The following UPP1 variants were observed in gnomAD, a reference collection of about 807,000 sequenced individuals.
The protein encoded by UPP1 is uridine phosphorylase 1.
Under a neutral mutation model 29.6 loss-of-function variants are expected in UPP1, and 25 were observed. The observed-to-expected ratio is 0.85, with a 90% CI of 0.62 to 1.18. The LOEUF is 1.18. Ranked by LOEUF, UPP1 falls within the 50% of genes most tolerant of loss-of-function variation. The pLI is 0.00. For synonymous variants in UPP1, 165 were observed against 159.8 expected, an observed-to-expected ratio of 1.03 and a Z score of -0.25; for missense variants, 368 against 410.4, an observed-to-expected ratio of 0.90 and a Z score of 0.89.
rs1342074145 is a variant in UPP1 at position 48,103,728 on chromosome 7, C to CT, written c.436+319dup. On this transcript the variant is annotated intron_variant, in intron 6 of 8. Transcript: ENST00000395564. ...TGTCTTATTCTTTCTAATCCCCCTT[C>CT]TTCTCCATTCTCTCCTTTCCTTTGC... The CT allele has an allele frequency of 1.3e-5, 17 of 1,283,092 alleles. No homozygotes were observed. The African/African-American group carries it at 1.4e-4, about 10-fold the overall frequency. The allele number at this position is 1,283,092 out of a possible 1,614,324, so 79.5% of individuals were successfully genotyped here. A position where few individuals can be genotyped will look rare whatever the true frequency, so the allele number is the denominator to read the frequency against.
chr7:48,099,947 A>T (rs549787625), intron 4 of UPP1, among the ~76,000 whole-genome samples, 160 bp downstream of exon 4: 1 of 152,388 alleles, frequency 6.6e-6, no homozygotes, highest in South Asian at 2.1e-4. Flanking sequence ...ACTTTCAAGT[A>T]TGTGAACTAG....
intron 6 of UPP1, 130 bp from the exon 7 acceptor site, chr7:48,106,743 T>C (rs1792765613): frequency 1.3e-6 from 1 of 799,690 alleles, no homozygotes; most frequent in Admixed American, 2.2e-5. Flanking sequence ...TACTGGATGC[T>C]TCGTGTTTGG....
chr7:48,097,753 A>G (rs1583863397), intron 3 of UPP1, among the ~76,000 whole-genome samples: 1 of 152,234 alleles, frequency 6.6e-6, no homozygotes, highest in South Asian at 2.1e-4. Flanking sequence ...GAGAATGGAA[A>G]TGTTACTTAC....
At chr7:48,091,261 TA>T (rs547438908) in intron 2 of UPP1, among the ~76,000 whole-genome samples, 255 of 141,570 alleles carry the variant, frequency 1.8e-3, no homozygotes, top group African/African-American at 4.0e-3. Context: ...GGGTTAAAAC[TA>T]AAAAAAAAAA....
intron 3 of UPP1, among the ~76,000 whole-genome samples, chr7:48,099,235 G>C (rs1562653095): frequency 6.6e-6 from 1 of 152,170 alleles, no homozygotes; most frequent in Admixed American, 6.5e-5. Flanking sequence ...TTATCTCTGG[G>C]AGGTAGGATT....
intron 2 of UPP1, among the ~76,000 whole-genome samples, chr7:48,093,042 A>T (rs1211410913): frequency 4.7e-5 from 7 of 149,898 alleles, no homozygotes; most frequent in Admixed American, 3.3e-4. Flanking sequence ...GTGTTGAATT[A>T]AAAAAAAAAT....
At chr7:48,095,350 C>T (rs1562650308) in intron 3 of UPP1, among the ~76,000 whole-genome samples, 1 of 152,074 alleles carries the variant, frequency 6.6e-6, no homozygotes, top group Non-Finnish European at 1.5e-5. Flanking sequence ...TTGTCTCCCA[C>T]CTCTGCTGGG....
At chr7:48,107,803 A>G (rs1377393177) in intron 8 of UPP1, among the ~76,000 whole-genome samples, 1 of 152,156 alleles carries the variant, frequency 6.6e-6, no homozygotes, top group African/African-American at 2.4e-5. Context: ...TCGGCTTTCA[A>G]AGCGCTTTGG....
rs747697760 is a variant in UPP1, at chr7:48,107,451, A to T, written c.737A>T (p.Asn246Ile). 6.2e-7 allele frequency: 1 copy of T among 1,614,188 alleles called. No individual in the cohort carries two copies. The highest frequency in any genetic ancestry group is 1.1e-5 in the South Asian group (1 of 91,090). The change falls in exon 8 of 9, where the codon AAT (asparagine) becomes ATT (isoleucine). Residue 246 changes from asparagine to isoleucine, a missense_variant. By Grantham distance (149) the Asn-to-Ile change is moderately radical. Coordinates refer to ENST00000395564, the MANE Select transcript of UPP1 (RefSeq NM_003364.4). ...GCAGCCTATGCAGCCGGCGTCCGCA[A>T]TATCGAGATGGAGTCCTCGGTGTTT... Reference protein sequence around the residue: ...LEAAYAAGVRNIEMESSVFAA... With the variant: ...LEAAYAAGVRIIEMESSVFAA...
At chr7:48,106,848 T>C in intron 6 of UPP1, 25 bp from the exon 7 acceptor site, 1 of 1,612,296 alleles carries the variant, frequency 6.2e-7, no homozygotes, top group Non-Finnish European at 8.5e-7. Context: ...ACCCTGCATA[T>C]CTTGATGTCT....
At position 48,108,241 on chromosome 7, in the gene UPP1, C is replaced by G; in HGVS notation, c.817C>G (p.Leu273Val). ...LQAAVVCVTL[L>V]NRLEGDQISS... The stretch of plus-strand genomic sequence containing the variant: ...AGCGGCCGTGGTGTGTGTCACCCTC[C>G]TGAACCGCCTGGAAGGGGACCAGAT... The change falls in exon 9 of 9, where the codon CTG becomes GTG. Residue 273 changes from leucine (L) to valine (V), a missense_variant. Coordinates refer to ENST00000395564, the MANE Select transcript of UPP1 (RefSeq NM_003364.4). 6.2e-7 allele frequency: 1 copy of G among 1,613,644 alleles called. No homozygotes were observed. The highest frequency in any genetic ancestry group is 8.5e-7 in the Non-Finnish European group (1 of 1,179,992).
chr7:48,103,261 C>A, intron 5 of UPP1, 36 bp from the exon 6 acceptor site: 1 of 1,539,292 alleles, frequency 6.5e-7, no homozygotes, highest in Non-Finnish European at 9.0e-7. Context: ...AAAGTCACAA[C>A]CTTGGCTTAA....
At chr7:48,104,906 A>G (rs987866397) in intron 6 of UPP1, 25 of 152,392 alleles carry the variant, frequency 1.6e-4, no homozygotes, top group African/African-American at 5.8e-4. Context: ...AGGGAGTAGT[A>G]TAGATTTTGA....
Position 48,099,729 on chromosome 7 carries a change from A to G in UPP1, c.104A>G (p.Tyr35Cys), listed in dbSNP as rs776275522. ...NIAKMKEDIL[Y>C]HFNLTTSRHN... ...GCAAAAATGAAAGAAGATATTCTCTATCATTTCAATCTCACCACTAGCAGA... is the reference window on the plus strand; with the variant it reads ...GCAAAAATGAAAGAAGATATTCTCTGTCATTTCAATCTCACCACTAGCAGA... Residue 35 changes from tyrosine to cysteine, a missense_variant, in exon 4 of 9, where the codon TAT becomes TGT. By Grantham distance (194) the Tyr-to-Cys change is radical (BLOSUM62 -2). Transcript: ENST00000395564. 1.9e-6 allele frequency: 3 copies of G among 1,614,006 alleles called. No individual in the cohort carries two copies. The highest frequency in any genetic ancestry group is 1.1e-5 in the South Asian group (1 of 91,082).
At chr7:48,103,889 C>T (rs1351439066) in intron 6 of UPP1, 2 of 1,281,724 alleles carry the variant, frequency 1.6e-6, no homozygotes, top group Non-Finnish European at 2.0e-6. Flanking sequence ...TAAAATGTCC[C>T]TATCCTCAAC....
intron 6 of UPP1, chr7:48,104,017 A>T (rs1792588744): frequency 1.3e-6 from 1 of 756,096 alleles, no homozygotes; most frequent in Admixed American, 3.6e-5. Context: ...CGGGAGATCG[A>T]GACCATCCTG....
chr7:48,102,032 T>C, intron 5 of UPP1, 50 bp downstream of exon 5: 1 of 1,584,344 alleles, frequency 6.3e-7, no homozygotes, highest in South Asian at 1.2e-5. Flanking sequence ...TGCAACCCCC[T>C]GTGCCCCACC....
chr7:48,092,704 C>CTT (rs1207379327), intron 2 of UPP1, among the ~76,000 whole-genome samples: 15 of 136,048 alleles, frequency 1.1e-4, no homozygotes, highest in South Asian at 2.4e-4. Flanking sequence ...CTGTTTGTTT[C>CTT]TTTTTTTTTT....
At chr7:48,106,547 G>A in intron 6 of UPP1, 1 of 299,120 alleles carries the variant, frequency 3.3e-6, no homozygotes, top group Non-Finnish European at 6.6e-6. Context: ...CTGACCTCAG[G>A]TGATCTGCTC....
Sources: gnomAD v4.1 joint callset for allele counts (sites outside exome capture counted in the v4.1 genomes callset) on GRCh38, gnomAD v4.1.1 for gene constraint, MANE v1.5 for transcripts, NCBI Gene and HGNC (gene_info 2026-07-23, HGNC 2026-07-21) for gene names.